Variants in RAX observed in about 807,000 individuals in gnomAD.
RAX encodes retinal homeobox protein Rx.
In RAX, 11 loss-of-function variants were observed where a neutral mutation model predicts 17.4. The ratio of observed to expected loss-of-function variants is 0.63; its 90% confidence interval spans 0.40 to 1.05. RAX has a LOEUF of 1.05. Among genes scored for constraint, RAX ranks in the 50% least tolerant of loss-of-function variants. The pLI is 0.00. For synonymous variants in RAX, 276 were observed against 254.7 expected (o/e 1.08, Z -0.80); for missense variants, 527 against 501.1 (o/e 1.05, Z -0.49).
intron 1 of RAX, 133 bp downstream of exon 1, chr18:59,272,785 G>T: frequency 1.5e-6 from 2 of 1,373,402 alleles, no homozygotes; most frequent in East Asian, 2.4e-5. Context: ...CAAATTGGAA[G>T]CTCCCGCCAT....
Position 59,269,427 on chromosome 18 carries a change from G to C in RAX, c.618C>G (p.Asp206Glu). 1 of 1,582,336 alleles carries C rather than the reference G, an allele frequency of 6.3e-7. No individual in the cohort carries two copies. The highest frequency in any genetic ancestry group is 8.5e-7 in the Non-Finnish European group (1 of 1,172,746). ...KLEVSSMKLQ[D>E]SPLLSFSRSP... ...AGCGGCTGAAGGAGAGGAGGGGCGAGTCCTGCAGCTTCATGGAGGACACTT... is the reference window on the plus strand; with the variant it reads ...AGCGGCTGAAGGAGAGGAGGGGCGACTCCTGCAGCTTCATGGAGGACACTT... The change falls in exon 3 of 3, where the codon GAC becomes GAG. Residue 206 changes from aspartate (D) to glutamate (E), a missense_variant. Transcript: ENST00000334889.
Position 59,269,738 on chromosome 18 carries a change from CT to C in RAX, c.544-238del, listed in dbSNP as rs398033067. 0.037 allele frequency among the ~76,000 whole-genome samples: 2,349 copies of C among 63,972 alleles called. 29 individuals are homozygous for C. The highest frequency in any genetic ancestry group is 0.071 in the African/African-American group (1,402 of 19,714). 42.0% of individuals were successfully genotyped at this position (63,972 alleles called of 152,430 possible). A position where few individuals can be genotyped will look rare whatever the true frequency, so the allele number is the denominator to read the frequency against. On this transcript the variant is annotated intron_variant, in intron 2 of 2. Coordinates refer to ENST00000334889, the MANE Select transcript of RAX (RefSeq NM_013435.3). ...CCCCTTTCTCTCTCTCTCTCTCTCT[CT>C]TTTTTTTTTTTTTTTGGCCTCTTCT...
intron 2 of RAX, 99 bp downstream of exon 2, chr18:59,272,262 G>T: frequency 6.6e-7 from 1 of 1,526,610 alleles, no homozygotes; most frequent in Non-Finnish European, 9.0e-7. Flanking sequence ...AGGAAGGACA[G>T]TAATAAATGC....
Position 59,269,169 on chromosome 18 carries a change from G to T in RAX, c.876C>A (p.Gly292=). ...PFLNSPPLGP[G]LQPLAPPPPS... ...GCGGCGGCGGCGCGAGAGGTTGCAGGCCGGGGCCCAACGGCGGGGAGTTCA... is the reference window on the plus strand; with the variant it reads ...GCGGCGGCGGCGCGAGAGGTTGCAGTCCGGGGCCCAACGGCGGGGAGTTCA... Residue 292 remains glycine, a synonymous_variant, in exon 3 of 3, where the codon GGC becomes GGA. Coordinates refer to ENST00000334889, the MANE Select transcript of RAX (RefSeq NM_013435.3). The T allele has an allele frequency of 1.9e-6, 3 of 1,567,338 alleles. No homozygotes were observed. Among genetic ancestry groups the T allele is most frequent in the Non-Finnish European group, 2.6e-6 (3 of 1,154,688 alleles).
Position 59,273,271 on chromosome 18 carries a change from C to T in RAX, c.-65G>A, listed in dbSNP as rs1006077566. ...GAGGAGAGGCTCGAAGCCGGGTCTT[C>T]CCGAGTGCGGCGGTGCAACCCGACG... On this transcript the variant is annotated 5_prime_UTR_variant, in exon 1 of 3. Coordinates refer to ENST00000334889, the MANE Select transcript of RAX (RefSeq NM_013435.3). 2.5e-5 allele frequency: 37 copies of T among 1,465,780 alleles called. No individual in the cohort carries two copies. Among genetic ancestry groups the T allele is most frequent in the Non-Finnish European group, 3.2e-5 (35 of 1,106,210 alleles). The allele number at this position is 1,465,780 out of a possible 1,614,324, so 90.8% of individuals were successfully genotyped here.
At chr18:59,269,580 G>A in intron 2 of RAX, 79 bp from the exon 3 acceptor site, 2 of 1,515,914 alleles carry the variant, frequency 1.3e-6, no homozygotes, top group South Asian at 2.4e-5. Context: ...GGTTCAGCTC[G>A]GCGGGCTCCA....
At chr18:59,269,568 C>A (rs2070317495) in intron 2 of RAX, 67 bp from the exon 3 acceptor site, 7 of 1,559,624 alleles carry the variant, frequency 4.5e-6, no homozygotes, top group Non-Finnish European at 5.2e-6. Context: ...CAACCCTGAG[C>A]CGGTTCAGCT....
chr18:59,272,814 C>T (rs2070350137), intron 1 of RAX, 104 bp downstream of exon 1: 5 of 1,433,826 alleles, frequency 3.5e-6, no homozygotes, highest in Non-Finnish European at 4.6e-6. Context: ...CCCAACCCCG[C>T]GCCCAGTTGC....
chr18:59,272,893 C>G, intron 1 of RAX, 25 bp downstream of exon 1: 24 of 1,493,060 alleles, frequency 1.6e-5, no homozygotes, highest in Non-Finnish European at 2.1e-5. Context: ...CGAACGGCCT[C>G]GCACAGCCAG....
chr18:59,269,298 C>T lies in RAX; in HGVS notation c.747G>A (p.Leu249=). The stretch of plus-strand genomic sequence containing the variant: ...GCAGCGCCGTGGCGCCCCCGCCCGG[C>T]AGCGGCGGCCCGAGCCAGGACTCCA... ...LPLESWLGPP[L]PGGGATALQS... Residue 249 remains leucine (L), a synonymous_variant, in exon 3 of 3, where the codon CTG becomes CTA. Transcript: ENST00000334889. 7.8e-7 allele frequency: 1 copy of T among 1,286,344 alleles called. No homozygotes were observed. Among genetic ancestry groups the T allele is most frequent in the African/African-American group, 1.6e-5 (1 of 64,034 alleles). 79.7% of individuals were successfully genotyped at this position (1,286,344 alleles called of 1,614,324 possible). A position where few individuals can be genotyped will look rare whatever the true frequency, so the allele number is the denominator to read the frequency against.
rs2070357640 is a variant in RAX, at chr18:59,273,295, C to A, written c.-89G>T. ...TCCCGAGTGCGGCGGTGCAACCCGA[C>A]GGGTCCCGACCCTAGGTCAAGCTCC... On this transcript the variant is annotated 5_prime_UTR_variant, in exon 1 of 3. Transcript: ENST00000334889. 1 of 1,362,386 alleles carries A rather than the reference C, an allele frequency of 7.3e-7. No homozygotes were observed. The allele number at this position is 1,362,386 out of a possible 1,614,324, so 84.4% of individuals were successfully genotyped here.
chr18:59,269,169 G>A lies in RAX; in HGVS notation c.876C>T (p.Gly292=), dbSNP rs1342196650. ...GCGGCGGCGGCGCGAGAGGTTGCAG[G>A]CCGGGGCCCAACGGCGGGGAGTTCA... ...PFLNSPPLGP[G]LQPLAPPPPS... is the part of the protein sequence containing the mutation. The change falls in exon 3 of 3, where the codon GGC becomes GGT. Residue 292 remains glycine (G), a synonymous_variant. Transcript: ENST00000334889. 6.4e-7 allele frequency: 1 copy of A among 1,567,338 alleles called. No individual in the cohort carries two copies. Among genetic ancestry groups the A allele is most frequent in the Non-Finnish European group, 8.7e-7 (1 of 1,154,688 alleles).
intron 2 of RAX, 33 bp downstream of exon 2, chr18:59,272,328 C>A: frequency 6.2e-7 from 1 of 1,614,110 alleles, no homozygotes; most frequent in Non-Finnish European, 8.5e-7. Flanking sequence ...TCGGGCCCTC[C>A]CAGATCCCAG....
Position 59,269,221 on chromosome 18 carries a change from G to C in RAX, c.824C>G (p.Thr275Arg). Residue 275 changes from threonine (T) to arginine (R), a missense_variant, in exon 3 of 3, where the codon ACG becomes AGG. By Grantham distance (71) the Thr-to-Arg change is moderately conservative. Coordinates refer to ENST00000334889, the MANE Select transcript of RAX (RefSeq NM_013435.3). The part of the protein sequence containing the change: ...PPAQSLPASY[T>R]PPPPPPPFLN... Reference sequence around the variant, plus strand: ...GAAGGGCGGAGGCGGCGGCGGTGGCGTGTAGCTGGCAGGCAGGCTCTGCGC... The same window carrying C: ...GAAGGGCGGAGGCGGCGGCGGTGGCCTGTAGCTGGCAGGCAGGCTCTGCGC... 1 of 1,525,714 alleles carries C rather than the reference G, an allele frequency of 6.6e-7. No individual in the cohort carries two copies. Among genetic ancestry groups the C allele is most frequent in the South Asian group, 1.2e-5 (1 of 82,864 alleles). 94.5% of individuals were successfully genotyped at this position (1,525,714 alleles called of 1,614,324 possible).
chr18:59,273,296 G>A lies in RAX; in HGVS notation c.-90C>T. The A allele has an allele frequency of 7.4e-7, 1 of 1,354,126 alleles. No homozygotes were observed. The highest frequency in any genetic ancestry group is 9.8e-7 in the Non-Finnish European group (1 of 1,018,070). The allele number at this position is 1,354,126 out of a possible 1,614,324, so 83.9% of individuals were successfully genotyped here. A position where few individuals can be genotyped will look rare whatever the true frequency, so the allele number is the denominator to read the frequency against. On this transcript the variant is annotated 5_prime_UTR_variant, in exon 1 of 3. Coordinates refer to ENST00000334889, the MANE Select transcript of RAX (RefSeq NM_013435.3). ...CCCGAGTGCGGCGGTGCAACCCGAC[G>A]GGTCCCGACCCTAGGTCAAGCTCCG...
rs1194626627 is a variant in RAX at position 59,269,274 on chromosome 18, C to A, written c.771G>T (p.Leu257=). ...PPLPGGGATA[L]QSLPGFGPPA... Reference sequence around the variant, plus strand: ...GCGGCCCGAAGCCCGGCAGGCTCTGCAGCGCCGTGGCGCCCCCGCCCGGCA... The same window carrying A: ...GCGGCCCGAAGCCCGGCAGGCTCTGAAGCGCCGTGGCGCCCCCGCCCGGCA... Residue 257 remains leucine, a synonymous_variant, in exon 3 of 3, where the codon CTG becomes CTT. Coordinates refer to ENST00000334889, the MANE Select transcript of RAX (RefSeq NM_013435.3). 3 of 1,390,146 alleles carry A rather than the reference C, an allele frequency of 2.2e-6. No individual in the cohort carries two copies. Among genetic ancestry groups the A allele is most frequent in the Non-Finnish European group, 2.8e-6 (3 of 1,075,452 alleles). The allele number at this position is 1,390,146 out of a possible 1,614,324, so 86.1% of individuals were successfully genotyped here.
chr18:59,270,899 C>T (rs1232072238), intron 2 of RAX, among the ~76,000 whole-genome samples: 1 of 152,180 alleles, frequency 6.6e-6, no homozygotes, highest in Non-Finnish European at 1.5e-5. Flanking sequence ...TCCTGTCCCA[C>T]CACCTTCTCG....
chr18:59,270,807 G>A (rs1348441635), intron 2 of RAX, among the ~76,000 whole-genome samples: 6 of 152,220 alleles, frequency 3.9e-5, no homozygotes, highest in African/African-American at 1.4e-4. Flanking sequence ...AGATTCATCT[G>A]CATATCTAAG....
chr18:59,272,775 C>A, intron 1 of RAX, 143 bp downstream of exon 1: 1 of 1,369,964 alleles, frequency 7.3e-7, no homozygotes, highest in Non-Finnish European at 9.6e-7. Context: ...TCTCTGAATG[C>A]AAATTGGAAG....
Sources: allele counts gnomAD v4.1 joint callset (sites outside exome capture counted in the v4.1 genomes callset), GRCh38; gene constraint gnomAD v4.1.1; transcripts MANE v1.5; gene names NCBI Gene and HGNC (gene_info 2026-07-23, HGNC 2026-07-21).